COL23A1: variants seen among roughly 807,000 people sequenced by gnomAD.
The protein encoded by COL23A1 is collagen alpha-1(XXIII) chain.
Under a neutral mutation model 99.3 loss-of-function variants are expected in COL23A1, and 97 were observed. The observed-to-expected ratio is 0.98, with a 90% confidence interval of 0.83 to 1.16. The LOEUF is 1.16. Ranked by LOEUF, COL23A1 falls within the 50% of genes most tolerant of loss-of-function variation. The pLI, the probability that COL23A1 is intolerant of heterozygous loss-of-function variation, is 0.00. For missense variants in COL23A1, 762 were observed against 757.4 expected, an observed-to-expected ratio of 1.01 and a Z score of -0.07; for synonymous variants, 320 against 308.2, an observed-to-expected ratio of 1.04 and a Z score of -0.40.
At chr5:178,372,368 C>T (rs2127723573) in intron 2 of COL23A1, among the ~76,000 whole-genome samples, 1 of 152,336 alleles carries the variant, frequency 6.6e-6, no homozygotes. Flanking sequence ...TAGTTGCTGA[C>T]TCTGGTGTTG....
At chr5:178,291,902 C>T (rs1757479323) in intron 3 of COL23A1, among the ~76,000 whole-genome samples, 1 of 152,104 alleles carries the variant, frequency 6.6e-6, no homozygotes, top group Non-Finnish European at 1.5e-5. Flanking sequence ...GTGCTTTCCC[C>T]AAGTCTAGAT....
chr5:178,436,167 G>A (rs1310367261), intron 2 of COL23A1, among the ~76,000 whole-genome samples: 3 of 152,156 alleles, frequency 2.0e-5, no homozygotes, highest in Non-Finnish European at 4.4e-5. Flanking sequence ...GGCATAGCAA[G>A]GACCCTCCTG....
chr5:178,370,646 G>T (rs1561911931), intron 2 of COL23A1, among the ~76,000 whole-genome samples: 1 of 152,056 alleles, frequency 6.6e-6, no homozygotes, highest in Non-Finnish European at 1.5e-5. Flanking sequence ...AGGAAGATGG[G>T]TTGCACCCAG....
intron 2 of COL23A1, among the ~76,000 whole-genome samples, chr5:178,423,376 G>A (rs1348412406): frequency 3.3e-5 from 5 of 152,066 alleles, no homozygotes; most frequent in East Asian, 1.9e-4. Context: ...GCAGCTCCCC[G>A]TCAGCCATGT....
rs145705710 is a variant in COL23A1, at chr5:178,266,075, C to T, written c.522+1232G>A. ...TTTTTTTTTTGGAGACAGTCTCGCT[C>T]TGTCACCCAGGCTGCAGTGCTGTGG... On this transcript the variant is annotated intron_variant, in intron 8 of 28. Transcript: ENST00000390654. Among the ~76,000 whole-genome samples the T allele has an allele frequency of 2.0e-3, 301 of 152,238 alleles. 10 individuals are homozygous for T. In the East Asian group the frequency reaches 0.054, roughly 27 times the overall value.
chr5:178,588,046 A>T (rs1265723666), intron 1 of COL23A1, among the ~76,000 whole-genome samples: 2 of 152,220 alleles, frequency 1.3e-5, no homozygotes, highest in African/African-American at 2.4e-5. Context: ...GAGCAGGACC[A>T]CGTGTGAATG....
intron 2 of COL23A1, among the ~76,000 whole-genome samples, chr5:178,456,976 T>C (rs1190572858): frequency 6.6e-6 from 1 of 152,156 alleles, no homozygotes; most frequent in African/African-American, 2.4e-5. Flanking sequence ...ACACCCTGTT[T>C]TGGGTTTGTT....
At chr5:178,541,941 C>T (rs542277071) in intron 2 of COL23A1, among the ~76,000 whole-genome samples, 1 of 152,310 alleles carries the variant, frequency 6.6e-6, no homozygotes, top group East Asian at 1.9e-4. Context: ...CTGTGGGGGT[C>T]TGGCCAGGTG....
intron 2 of COL23A1, among the ~76,000 whole-genome samples, chr5:178,560,439 A>C (rs1762497439): frequency 1.3e-5 from 2 of 152,178 alleles, no homozygotes; most frequent in African/African-American, 2.4e-5. Flanking sequence ...CAGGCAGCTA[A>C]GTCATCTCCG....
chr5:178,572,072 C>CAAAAAAAAAAAAAAA lies in COL23A1; in HGVS notation c.295-11325_295-11324insTTTTTTTTTTTTTTT, dbSNP rs57863132. Among the ~76,000 whole-genome samples, 70 of 109,474 alleles carry CAAAAAAAAAAAAAAA rather than the reference C, an allele frequency of 6.4e-4. 3 individuals carry two copies. Among genetic ancestry groups the CAAAAAAAAAAAAAAA allele is most frequent in the African/African-American group, 2.3e-3 (58 of 25,672 alleles). The allele number at this position is 109,474 out of a possible 152,430, so 71.8% of individuals were successfully genotyped here. ...GACAGAGCGAGACTCTTTCTCAAAACAAAAAAAAAAAAGACCTAAACTGAA... is the reference window on the plus strand; with the variant it reads ...GACAGAGCGAGACTCTTTCTCAAAACAAAAAAAAAAAAAAAAAAAAAAAAAAAGACCTAAACTGAA... On this transcript the variant is annotated intron_variant, in intron 1 of 28. Coordinates refer to ENST00000390654, the MANE Select transcript of COL23A1 (RefSeq NM_173465.4).
chr5:178,557,274 C>T (rs1023979365), intron 2 of COL23A1, among the ~76,000 whole-genome samples: 3 of 152,240 alleles, frequency 2.0e-5, no homozygotes, highest in South Asian at 2.1e-4. Context: ...TAGACACACC[C>T]TAAATGCTGA....
At chr5:178,330,753 T>C (rs1759974030) in intron 2 of COL23A1, among the ~76,000 whole-genome samples, 1 of 152,094 alleles carries the variant, frequency 6.6e-6, no homozygotes, top group Non-Finnish European at 1.5e-5. Flanking sequence ...CAGGTCCCTC[T>C]ACCCAGTGAA....
chr5:178,410,287 C>T (rs1764992031), intron 2 of COL23A1, among the ~76,000 whole-genome samples: 1 of 152,196 alleles, frequency 6.6e-6, no homozygotes, highest in Non-Finnish European at 1.5e-5. Flanking sequence ...GTTAAGATGG[C>T]ATCACTTCCC....
chr5:178,501,317 T>A (rs191836224), intron 2 of COL23A1, among the ~76,000 whole-genome samples: 1 of 152,286 alleles, frequency 6.6e-6, no homozygotes, highest in East Asian at 1.9e-4. Flanking sequence ...GCACAGTGGC[T>A]CACGCCTGTA....
At chr5:178,293,325 T>C (rs1246763992) in intron 3 of COL23A1, among the ~76,000 whole-genome samples, 1 of 151,940 alleles carries the variant, frequency 6.6e-6, no homozygotes, top group East Asian at 1.9e-4. Context: ...GCCTGGACAG[T>C]CCATCTGTGG....
At chr5:178,339,664 C>T (rs1760543625) in intron 2 of COL23A1, among the ~76,000 whole-genome samples, 1 of 152,200 alleles carries the variant, frequency 6.6e-6, no homozygotes, top group South Asian at 2.1e-4. Context: ...CTGGAGTAAA[C>T]ATGAGTGGGG....
At chr5:178,421,673 A>T (rs950736354) in intron 2 of COL23A1, among the ~76,000 whole-genome samples, 2 of 152,180 alleles carry the variant, frequency 1.3e-5, no homozygotes, top group Non-Finnish European at 2.9e-5. Flanking sequence ...GTTCGAGACC[A>T]GCCTGGCCAA....
intron 2 of COL23A1, among the ~76,000 whole-genome samples, chr5:178,421,588 G>A (rs771379614): frequency 3.7e-4 from 57 of 152,164 alleles, no homozygotes; most frequent in Admixed American, 9.8e-4. Flanking sequence ...AGCAGACAGG[G>A]CCAGGCACAG....
chr5:178,484,812 ACT>A (rs1333677947), intron 2 of COL23A1, among the ~76,000 whole-genome samples: 2 of 109,388 alleles, frequency 1.8e-5, no homozygotes, highest in East Asian at 5.6e-4. Context: ...AAAGAGCAAG[ACT>A]CTGTCTCAAA....
Sources: gnomAD v4.1 joint callset for allele counts (sites outside exome capture counted in the v4.1 genomes callset) on GRCh38, gnomAD v4.1.1 for gene constraint, MANE v1.5 for transcripts, NCBI Gene and HGNC (gene_info 2026-07-23, HGNC 2026-07-21) for gene names.